Variants in SIPA1L1 observed in about 807,000 individuals in gnomAD.
The protein encoded by SIPA1L1 is signal-induced proliferation-associated 1-like protein 1.
A neutral mutation model predicts 162.7 loss-of-function variants in SIPA1L1; 26 were observed. The ratio of observed to expected loss-of-function variants is 0.16; its 90% CI spans 0.12 to 0.22. The LOEUF (loss-of-function observed/expected upper bound fraction) is 0.22. Among genes scored for constraint, SIPA1L1 ranks in the 10% least tolerant of loss-of-function variants. SIPA1L1 has a pLI of 1.00. For synonymous variants in SIPA1L1, 829 were observed against 837.4 expected (o/e 0.99, Z 0.17); for missense variants, 1,874 against 2,241.0 (o/e 0.84, Z 3.31).
At chr14:71,531,157 A>G (rs980630898) in intron 4 of SIPA1L1, among the ~76,000 whole-genome samples, 1 of 152,156 alleles carries the variant, frequency 6.6e-6, no homozygotes, top group East Asian at 1.9e-4. Context: ...CTTATAGATC[A>G]ATTGTGTCAT....
chr14:71,458,385 A>G (rs1309154554), intron 2 of SIPA1L1, among the ~76,000 whole-genome samples: 1 of 152,236 alleles, frequency 6.6e-6, no homozygotes, highest in Admixed American at 6.5e-5. Flanking sequence ...ATTATACATT[A>G]GGTCATATTC....
chr14:71,638,593 A>G (rs1339619096), intron 7 of SIPA1L1, among the ~76,000 whole-genome samples: 2 of 152,226 alleles, frequency 1.3e-5, no homozygotes, highest in East Asian at 3.8e-4. Flanking sequence ...AAGAGACTGG[A>G]GAAAGGGAAG....
At chr14:71,583,878 AG>A (rs1211600348) in intron 4 of SIPA1L1, among the ~76,000 whole-genome samples, 2 of 152,190 alleles carry the variant, frequency 1.3e-5, no homozygotes, top group African/African-American at 4.8e-5. Context: ...ATCAACAGAC[AG>A]AGTACTGGTT....
At chr14:71,685,885 C>G (rs1265615163) in intron 13 of SIPA1L1, among the ~76,000 whole-genome samples, 1 of 152,196 alleles carries the variant, frequency 6.6e-6, no homozygotes, top group Non-Finnish European at 1.5e-5. Context: ...GTGTGATTAT[C>G]AACAGACGTC....
At chr14:71,505,678 T>C (rs767173377) in intron 2 of SIPA1L1, among the ~76,000 whole-genome samples, 2 of 152,174 alleles carry the variant, frequency 1.3e-5, no homozygotes, top group Non-Finnish European at 2.9e-5. Context: ...TGAACATCTC[T>C]AATCCCAAAA....
intron 2 of SIPA1L1, among the ~76,000 whole-genome samples, chr14:71,404,992 G>GC (rs1046706153): frequency 6.6e-6 from 1 of 152,142 alleles, no homozygotes; most frequent in African/African-American, 2.4e-5. Flanking sequence ...TAAGCTCTAG[G>GC]CATTTAAGGA....
intron 4 of SIPA1L1, among the ~76,000 whole-genome samples, chr14:71,561,395 A>C (rs937211557): frequency 2.6e-5 from 4 of 152,198 alleles, no homozygotes; most frequent in Admixed American, 2.6e-4. Context: ...CTTTTGAAAC[A>C]TTTAGCTGAT....
At position 71,377,677 on chromosome 14, in the gene SIPA1L1, C is replaced by T. The variant is rs867419666; in HGVS notation, c.-465+56496C>T. On this transcript the variant is annotated intron_variant, in intron 2 of 23. Coordinates refer to ENST00000381232, the MANE Select transcript of SIPA1L1 (RefSeq NM_001386936.1). The surrounding 1 kb of genome is among the most constrained non-coding windows in gnomAD (Gnocchi z 4.8). The stretch of plus-strand genomic sequence containing the variant: ...CTGAGATCACGCCACTGCACTCCAG[C>T]GTGGGCAACATTGAGCACTGAGTGA... Among the ~76,000 whole-genome samples, 29 of 152,302 alleles carry T rather than the reference C, an allele frequency of 1.9e-4. No homozygotes were observed. The highest frequency in any genetic ancestry group is 3.4e-3 in the Middle Eastern group (1 of 294).
chr14:71,541,551 C>T (rs185733758), intron 4 of SIPA1L1, among the ~76,000 whole-genome samples: 40 of 152,220 alleles, frequency 2.6e-4, no homozygotes, highest in Non-Finnish European at 2.8e-4. Context: ...TGCTTGAGCC[C>T]AGGAGTTTGA....
chr14:71,660,792 A>T (rs1043148190), intron 9 of SIPA1L1, among the ~76,000 whole-genome samples: 6 of 152,162 alleles, frequency 3.9e-5, no homozygotes, highest in Non-Finnish European at 7.3e-5. Flanking sequence ...TTAAACCTGA[A>T]ATTTACCTGC....
chr14:71,582,198 G>A (rs1190837751), intron 4 of SIPA1L1, among the ~76,000 whole-genome samples: 5 of 152,068 alleles, frequency 3.3e-5, no homozygotes, highest in African/African-American at 7.2e-5. Context: ...AACCAAGCAT[G>A]GTGAGGCATG....
chr14:71,327,738 G>A (rs1306508268), intron 2 of SIPA1L1, among the ~76,000 whole-genome samples: 1 of 152,198 alleles, frequency 6.6e-6, no homozygotes, highest in Non-Finnish European at 1.5e-5. Flanking sequence ...TGGGTTAAAT[G>A]TGTAGTTGAT....
chr14:71,735,702 G>A (rs2085224543), intron 22 of SIPA1L1: 1 of 226,688 alleles, frequency 4.4e-6, no homozygotes, highest in Admixed American at 5.5e-5. Flanking sequence ...CCTGTGCTCT[G>A]TGCTGTGTAG....
chr14:71,355,232 G>GT (rs1253103099), intron 2 of SIPA1L1, among the ~76,000 whole-genome samples: 1 of 152,128 alleles, frequency 6.6e-6, no homozygotes, highest in Non-Finnish European at 1.5e-5. Flanking sequence ...TACTTTTTCC[G>GT]TCTTTGCCAA....
chr14:71,453,261 G>T (rs2045950954), intron 2 of SIPA1L1, among the ~76,000 whole-genome samples: 1 of 152,022 alleles, frequency 6.6e-6, no homozygotes, highest in Non-Finnish European at 1.5e-5. Flanking sequence ...CTTTTTTGGG[G>T]TTTCTTTTGT....
intron 17 of SIPA1L1, among the ~76,000 whole-genome samples, chr14:71,723,223 C>T (rs1296444342): frequency 6.6e-6 from 1 of 152,206 alleles, no homozygotes; most frequent in Non-Finnish European, 1.5e-5. Context: ...TCTCCTCTCC[C>T]CTCCTCAGCT....
chr14:71,669,200 A>G (rs565368256), intron 10 of SIPA1L1, among the ~76,000 whole-genome samples: 18 of 152,334 alleles, frequency 1.2e-4, no homozygotes, highest in East Asian at 3.9e-4. Flanking sequence ...ATTGAAAATT[A>G]TATGGTAAGG....
chr14:71,650,626 G>C, intron 8 of SIPA1L1, 117 bp downstream of exon 8: 2 of 943,358 alleles, frequency 2.1e-6, no homozygotes, highest in Non-Finnish European at 3.2e-6. Context: ...TGCTGGTGAT[G>C]GGGGAGAGAA....
chr14:71,398,008 AATTTTTTT>A (rs2041354150), intron 2 of SIPA1L1, among the ~76,000 whole-genome samples: 1 of 88,706 alleles, frequency 1.1e-5, no homozygotes, highest in African/African-American at 4.7e-5. Context: ...CAAAAAAAAA[AATTTTTTT>A]TTTTTTTTTT....
Sources: allele counts gnomAD v4.1 joint callset (sites outside exome capture counted in the v4.1 genomes callset), GRCh38; gene constraint gnomAD v4.1.1; non-coding constraint Gnocchi (gnomAD v3.1); transcripts MANE v1.5; gene names NCBI Gene and HGNC (gene_info 2026-07-23, HGNC 2026-07-21).